CDX1: variants seen among roughly 807,000 people sequenced by gnomAD.
CDX1 encodes the protein caudal type homeobox 1, also known as homeobox protein CDX-1.
A neutral mutation model predicts 16.9 loss-of-function variants in CDX1; 9 were observed. That is an observed-to-expected ratio of 0.53 (90% CI 0.32 to 0.93). The LOEUF is 0.93. CDX1 is among the 40% of genes least tolerant of loss of function. The pLI is 0.04. For synonymous variants in CDX1, 179 were observed against 179.0 expected (o/e 1.00, Z 0.00); for missense variants, 393 against 386.1 (o/e 1.02, Z -0.15).
rs148761167 is a variant in CDX1, at chr5:150,182,985, A to G, written c.591+72A>G. 1.9e-4 allele frequency: 283 copies of G among 1,503,492 alleles called. No individual in the cohort carries two copies. The East Asian group carries it at 4.8e-3, about 26-fold the overall frequency. The allele number at this position is 1,503,492 out of a possible 1,614,324, so 93.1% of individuals were successfully genotyped here. On this transcript the variant is annotated intron_variant, in intron 2 of 2. Coordinates refer to ENST00000231656, the MANE Select transcript of CDX1 (RefSeq NM_001804.3). Reference sequence around the variant, plus strand: ...TGGTCTCCAGGCTGCCAGGCAGAGTACAGAGCTCAGTAGAAGGAAAACAGA... The same window carrying G: ...TGGTCTCCAGGCTGCCAGGCAGAGTGCAGAGCTCAGTAGAAGGAAAACAGA...
At chr5:150,179,278 A>T (rs1041484236) in intron 1 of CDX1, among the ~76,000 whole-genome samples, 8 of 152,130 alleles carry the variant, frequency 5.3e-5, no homozygotes, top group African/African-American at 1.9e-4. Flanking sequence ...ACCAGAGAGA[A>T]GTTGGCCAAT....
rs1205894617 is a variant in CDX1 at position 150,167,048 on chromosome 5, C to G, written c.172C>G (p.Pro58Ala). 1 of 1,431,786 alleles carries G rather than the reference C, an allele frequency of 7.0e-7. No individual in the cohort carries two copies. The highest frequency in any genetic ancestry group is 9.1e-7 in the Non-Finnish European group (1 of 1,098,166). The allele number at this position is 1,431,786 out of a possible 1,614,324, so 88.7% of individuals were successfully genotyped here. Residue 58 changes from proline to alanine, a missense_variant, in exon 1 of 3, where the codon CCG (proline) becomes GCG (alanine). Physicochemically the swap from Pro to Ala is conservative, Grantham distance 27. Transcript: ENST00000231656. Reference sequence around the variant, plus strand: ...TCACGTGGAGCCGGCCCCCGCGCCCCCGACGGCCTGGGGGGCGCCCTTCCC... The same window carrying G: ...TCACGTGGAGCCGGCCCCCGCGCCCGCGACGGCCTGGGGGGCGCCCTTCCC... Reference protein sequence around the residue: ...YSHVEPAPAPPTAWGAPFPAP... With the variant: ...YSHVEPAPAPATAWGAPFPAP...
At position 150,180,969 on chromosome 5, in the gene CDX1, C is replaced by G. The variant is rs141378826; in HGVS notation, c.446-1799C>G. Among the ~76,000 whole-genome samples, 741 of 152,340 alleles carry G rather than the reference C, an allele frequency of 4.9e-3. 8 individuals are homozygous for G. The highest frequency in any genetic ancestry group is 0.017 in the African/African-American group (713 of 41,570). On this transcript the variant is annotated intron_variant, in intron 1 of 2. Coordinates refer to ENST00000231656, the MANE Select transcript of CDX1 (RefSeq NM_001804.3). ...GCAGCTCTCCCTGCACTTCCCCTTC[C>G]TCTTGCAAATCTGTTCTCCATGCAG...
At chr5:150,178,098 G>T (rs749531820) in intron 1 of CDX1, among the ~76,000 whole-genome samples, 8 of 152,098 alleles carry the variant, frequency 5.3e-5, no homozygotes, top group Non-Finnish European at 1.2e-4. Flanking sequence ...GAATTTCTGG[G>T]GCCAGAATCT....
At chr5:150,168,953 C>T (rs1009855236) in intron 1 of CDX1, among the ~76,000 whole-genome samples, 11 of 152,272 alleles carry the variant, frequency 7.2e-5, no homozygotes, top group East Asian at 5.8e-4. Context: ...TCCATAAATC[C>T]GGGGTTAAGA....
Position 150,182,909 on chromosome 5 carries a change from G to C in CDX1, c.587G>C (p.Arg196Pro), listed in dbSNP as rs769319816. The change falls in exon 2 of 3, where the codon CGG becomes CCG. Residue 196 changes from arginine to proline, a missense_variant. By Grantham distance (103) the Arg-to-Pro change is moderately radical. Coordinates refer to ENST00000231656, the MANE Select transcript of CDX1 (RefSeq NM_001804.3). ...ELAANLGLTE[R>P]QVKIWFQNRR... ...GCTGCCAATCTGGGGCTCACTGAAC[G>C]GCAGGTGTGTCTGTCTTCCTATCTC... The C allele has an allele frequency of 6.2e-7, 1 of 1,605,202 alleles. No individual in the cohort carries two copies. The highest frequency in any genetic ancestry group is 8.5e-7 in the Non-Finnish European group (1 of 1,176,102).
chr5:150,167,310 G>A lies in CDX1; in HGVS notation c.434G>A (p.Gly145Asp). ...CGGCGCAGCGTGGCGGCCGGAGGCG[G>A]CGGTGGCAGCGGTAAGGACCCTTCC... ...WMRRSVAAGG[G>D]GGSGKTRTKD... Residue 145 changes from glycine to aspartate, a missense_variant, in exon 1 of 3, where the codon GGC becomes GAC. By Grantham distance (94) the Gly-to-Asp change is moderately conservative. Coordinates refer to ENST00000231656, the MANE Select transcript of CDX1 (RefSeq NM_001804.3). 6.3e-6 allele frequency: 8 copies of A among 1,263,380 alleles called. No individual in the cohort carries two copies. Among genetic ancestry groups the A allele is most frequent in the Non-Finnish European group, 7.9e-6 (8 of 1,010,028 alleles). 78.3% of individuals were successfully genotyped at this position (1,263,380 alleles called of 1,614,324 possible). A position where few individuals can be genotyped will look rare whatever the true frequency, so the allele number is the denominator to read the frequency against.
intron 1 of CDX1, among the ~76,000 whole-genome samples, chr5:150,174,129 CT>C (rs1400734372): frequency 2.6e-5 from 4 of 152,170 alleles, no homozygotes; most frequent in African/African-American, 9.7e-5. Context: ...ACACAGCCAG[CT>C]AGGGGTAGGA....
intron 1 of CDX1, among the ~76,000 whole-genome samples, chr5:150,179,074 C>T (rs902673438): frequency 6.6e-6 from 1 of 152,082 alleles, no homozygotes; most frequent in South Asian, 2.1e-4. Flanking sequence ...TGGGATTCTT[C>T]GGTCAAAGGG....
At chr5:150,180,450 A>G (rs986138601) in intron 1 of CDX1, among the ~76,000 whole-genome samples, 1 of 152,126 alleles carries the variant, frequency 6.6e-6, no homozygotes, top group Non-Finnish European at 1.5e-5. Flanking sequence ...ATTCTCCACA[A>G]AGCCATTTGG....
Position 150,175,847 on chromosome 5 carries a change from C to T in CDX1, c.446-6921C>T, listed in dbSNP as rs558190496. Among the ~76,000 whole-genome samples the T allele has an allele frequency of 5.3e-4, 81 of 152,328 alleles. No homozygotes were observed. The South Asian group carries it at 0.012, about 23-fold the overall frequency. ...CTTGGCCCTATGGCTCCCCATTAGGCGACATTCCTCTCTCTCACGAGGGAC... is the reference window on the plus strand; with the variant it reads ...CTTGGCCCTATGGCTCCCCATTAGGTGACATTCCTCTCTCTCACGAGGGAC... On this transcript the variant is annotated intron_variant, in intron 1 of 2. Transcript: ENST00000231656.
At position 150,167,033 on chromosome 5, in the gene CDX1, C is replaced by A; in HGVS notation, c.157C>A (p.Pro53Thr). 7.0e-7 allele frequency: 1 copy of A among 1,428,014 alleles called. No individual in the cohort carries two copies. Among genetic ancestry groups the A allele is most frequent in the Non-Finnish European group, 9.1e-7 (1 of 1,095,774 alleles). 88.5% of individuals were successfully genotyped at this position (1,428,014 alleles called of 1,614,324 possible). The change falls in exon 1 of 3, where the codon CCG becomes ACG. Residue 53 changes from proline to threonine, a missense_variant. By Grantham distance (38) the Pro-to-Thr change is conservative. Coordinates refer to ENST00000231656, the MANE Select transcript of CDX1 (RefSeq NM_001804.3). Reference protein sequence around the residue: ...PDFSSYSHVEPAPAPPTAWGA... With the variant: ...PDFSSYSHVETAPAPPTAWGA... ...CTTCTCCAGCTACTCTCACGTGGAGCCGGCCCCCGCGCCCCCGACGGCCTG... is the reference window on the plus strand; with the variant it reads ...CTTCTCCAGCTACTCTCACGTGGAGACGGCCCCCGCGCCCCCGACGGCCTG...
At position 150,182,869 on chromosome 5, in the gene CDX1, C is replaced by G; in HGVS notation, c.547C>G (p.Arg183Gly). Reference protein sequence around the residue: ...FHYSRYITIRRKSELAANLGL... With the variant: ...FHYSRYITIRGKSELAANLGL... ...TTACAGCCGTTACATCACAATCCGGCGGAAATCAGAGCTGGCTGCCAATCT... is the reference window on the plus strand; with the variant it reads ...TTACAGCCGTTACATCACAATCCGGGGGAAATCAGAGCTGGCTGCCAATCT... The change falls in exon 2 of 3, where the codon CGG becomes GGG. Residue 183 changes from arginine (R) to glycine (G), a missense_variant. Arg to Gly is a moderately radical substitution (Grantham distance 125, BLOSUM62 -2). Transcript: ENST00000231656. 6.2e-7 allele frequency: 1 copy of G among 1,613,018 alleles called. No individual in the cohort carries two copies. Among genetic ancestry groups the G allele is most frequent in the Non-Finnish European group, 8.5e-7 (1 of 1,179,508 alleles).
rs764549100 is a variant in CDX1, at chr5:150,183,494, C to T, written c.612C>T (p.Asn204=). ...TERQVKIWFQ[N]RRAKERKVNK... ...CACAGGTGAAGATCTGGTTCCAAAA[C>T]CGGCGGGCAAAGGAGCGCAAAGTGA... The change falls in exon 3 of 3, where the codon AAC becomes AAT. Residue 204 remains asparagine (N), a synonymous_variant. Coordinates refer to ENST00000231656, the MANE Select transcript of CDX1 (RefSeq NM_001804.3). The T allele has an allele frequency of 2.1e-5, 33 of 1,606,646 alleles. No individual in the cohort carries two copies. The African/African-American group carries it at 3.6e-4, about 18-fold the overall frequency.
chr5:150,170,149 A>T (rs936316243), intron 1 of CDX1, among the ~76,000 whole-genome samples: 1 of 152,148 alleles, frequency 6.6e-6, no homozygotes. Context: ...TCTTGTGCAC[A>T]TGCTGTTCTC....
chr5:150,174,797 A>G (rs1442066139), intron 1 of CDX1, among the ~76,000 whole-genome samples: 4 of 136,378 alleles, frequency 2.9e-5, no homozygotes, highest in Admixed American at 1.5e-4. Context: ...TTTTCCTGAG[A>G]TGGAGTTTTG....
intron 2 of CDX1, 130 bp from the exon 3 acceptor site, chr5:150,183,344 G>T (rs1752494010): frequency 2.6e-6 from 2 of 771,988 alleles, no homozygotes; most frequent in Non-Finnish European, 4.0e-6. Context: ...TGGTCTGGGA[G>T]GCTGGAGAGG....
chr5:150,181,134 C>A (rs541918358), intron 1 of CDX1, among the ~76,000 whole-genome samples: 1 of 152,230 alleles, frequency 6.6e-6, no homozygotes, highest in Non-Finnish European at 1.5e-5. Context: ...CACTGCACCT[C>A]AGCTCCACCA....
intron 1 of CDX1, among the ~76,000 whole-genome samples, chr5:150,181,921 G>C (rs1752447470): frequency 6.6e-6 from 1 of 152,274 alleles, no homozygotes; most frequent in Non-Finnish European, 1.5e-5. Context: ...TGGACACAGG[G>C]GGATGTGTGG....
Sources: allele counts gnomAD v4.1 joint callset (sites outside exome capture counted in the v4.1 genomes callset), GRCh38; gene constraint gnomAD v4.1.1; transcripts MANE v1.5; gene names NCBI Gene and HGNC (gene_info 2026-07-23, HGNC 2026-07-21).